TCF4: variants seen among roughly 807,000 people sequenced by gnomAD.
The protein encoded by TCF4 is SL3-3 enhancer factor 2.
TCF4 carries 3 observed loss-of-function variants against 82.1 expected under a neutral mutation model. The observed-to-expected ratio is 0.04, with a 90% confidence interval of 0.02 to 0.09. The LOEUF (loss-of-function observed/expected upper bound fraction) is 0.09. TCF4 is among the 10% of genes least tolerant of loss of function. TCF4 has a pLI of 1.00. For synonymous variants in TCF4, 276 were observed against 309.6 expected, an observed-to-expected ratio of 0.89 and a Z score of 1.14; for missense variants, 518 against 852.7, an observed-to-expected ratio of 0.61 and a Z score of 4.89.
intron 2 of TCF4, among the ~76,000 whole-genome samples, chr18:55,602,128 C>A (rs955602875): frequency 4.6e-5 from 7 of 152,158 alleles, no homozygotes; most frequent in Non-Finnish European, 8.8e-5. Context: ...GTGGCAGGCA[C>A]ATTTTAAGAT....
At chr18:55,351,826 G>T in intron 6 of TCF4, 2 of 918,244 alleles carry the variant, frequency 2.2e-6, no homozygotes, top group Non-Finnish European at 2.6e-6. Flanking sequence ...ATTATACTCT[G>T]CATTGAACAC....
At chr18:55,417,078 G>A (rs1009471651) in intron 5 of TCF4, among the ~76,000 whole-genome samples, 1 of 152,202 alleles carries the variant, frequency 6.6e-6, no homozygotes, top group Non-Finnish European at 1.5e-5. Flanking sequence ...ACGGAAGAGG[G>A]GAACTCAGCA....
Position 55,255,508 on chromosome 18 carries a change from A to G in TCF4, c.1147-808T>C, listed in dbSNP as rs188194383. Reference sequence around the variant, plus strand: ...GCCATTAGGATTCTAGTTTTTCACAACTAGACAATGCGTATAGTTTTTAGT... The same window carrying G: ...GCCATTAGGATTCTAGTTTTTCACAGCTAGACAATGCGTATAGTTTTTAGT... On this transcript the variant is annotated intron_variant, in intron 14 of 19. Transcript: ENST00000354452. Among the ~76,000 whole-genome samples, 26 of 152,276 alleles carry G rather than the reference A, an allele frequency of 1.7e-4. 1 individual carries two copies. In the East Asian group the frequency reaches 4.8e-3, roughly 28 times the overall value.
intron 8 of TCF4, among the ~76,000 whole-genome samples, chr18:55,313,726 T>G (rs2073271236): frequency 6.6e-6 from 1 of 152,020 alleles, no homozygotes; most frequent in Non-Finnish European, 1.5e-5. Flanking sequence ...CGGGCTCAAG[T>G]GTCTGAGAAA....
chr18:55,420,971 T>TA (rs1264371963), intron 5 of TCF4, among the ~76,000 whole-genome samples: 2 of 147,264 alleles, frequency 1.4e-5, no homozygotes, highest in Non-Finnish European at 3.0e-5. Context: ...GAAAAGAAAA[T>TA]AAAAAAAGCT....
chr18:55,239,648 G>A (rs1209538241), intron 15 of TCF4, among the ~76,000 whole-genome samples: 1 of 152,118 alleles, frequency 6.6e-6, no homozygotes, highest in African/African-American at 2.4e-5. Context: ...TCAGGCCAAG[G>A]CCAAGATGTC....
intron 8 of TCF4, chr18:55,321,313 T>C (rs1229821003): frequency 7.3e-6 from 2 of 273,202 alleles, no homozygotes; most frequent in Admixed American, 9.4e-5. Context: ...ATATCTGCTT[T>C]TCCTTTCTAA....
chr18:55,496,099 C>T (rs2096632587), intron 3 of TCF4: 1 of 152,116 alleles, frequency 6.6e-6, no homozygotes, highest in Non-Finnish European at 1.5e-5. Flanking sequence ...AGAGATGTGG[C>T]AAATGAAAGT....
intron 5 of TCF4, among the ~76,000 whole-genome samples, chr18:55,436,309 C>T (rs2095328365): frequency 6.6e-6 from 1 of 152,262 alleles, no homozygotes; most frequent in East Asian, 1.9e-4. Flanking sequence ...AATTTAACTA[C>T]TTTATTCATT....
At chr18:55,598,346 C>T (rs1427569786) in intron 2 of TCF4, among the ~76,000 whole-genome samples, 1 of 152,198 alleles carries the variant, frequency 6.6e-6, no homozygotes, top group African/African-American at 2.4e-5. Context: ...ACTGTTAAAA[C>T]CCAGCAAATT....
At chr18:55,375,882 C>T (rs531830675) in intron 6 of TCF4, among the ~76,000 whole-genome samples, 3 of 152,094 alleles carry the variant, frequency 2.0e-5, no homozygotes, top group Admixed American at 1.3e-4. Context: ...GGGAAATTCT[C>T]CTAAGTAGAA....
chr18:55,295,817 C>A (rs933575455), intron 8 of TCF4, among the ~76,000 whole-genome samples: 2 of 152,180 alleles, frequency 1.3e-5, no homozygotes, highest in African/African-American at 2.4e-5. Flanking sequence ...ATAACCCTTG[C>A]ATTTTGCCAG....
At chr18:55,424,087 C>T (rs919089246) in intron 5 of TCF4, among the ~76,000 whole-genome samples, 1 of 152,078 alleles carries the variant, frequency 6.6e-6, no homozygotes, top group Non-Finnish European at 1.5e-5. Context: ...GCTGCGGCAC[C>T]CCAACTGTCT....
At chr18:55,326,977 A>C (rs1293316567) in intron 8 of TCF4, among the ~76,000 whole-genome samples, 1 of 152,182 alleles carries the variant, frequency 6.6e-6, no homozygotes, top group East Asian at 1.9e-4. Context: ...TCTAATTACT[A>C]ACAGGAGGAC....
At chr18:55,297,035 T>C (rs1274929513) in intron 8 of TCF4, among the ~76,000 whole-genome samples, 1 of 152,126 alleles carries the variant, frequency 6.6e-6, no homozygotes, top group East Asian at 1.9e-4. Context: ...CATATGTATT[T>C]CGAGAGAAGC....
intron 2 of TCF4, among the ~76,000 whole-genome samples, chr18:55,615,093 T>C (rs992912969): frequency 6.6e-6 from 1 of 152,170 alleles, no homozygotes; most frequent in Non-Finnish European, 1.5e-5. Flanking sequence ...TGATAATAAA[T>C]TAGAAATATT....
chr18:55,386,127 C>T (rs1234823634), intron 6 of TCF4, among the ~76,000 whole-genome samples: 1 of 152,178 alleles, frequency 6.6e-6, no homozygotes, highest in Non-Finnish European at 1.5e-5. Flanking sequence ...ACTCCCAGCG[C>T]CTCCCAGGTA....
At chr18:55,456,937 T>C (rs1568091549) in intron 5 of TCF4, among the ~76,000 whole-genome samples, 1 of 152,172 alleles carries the variant, frequency 6.6e-6, no homozygotes, top group Non-Finnish European at 1.5e-5. Flanking sequence ...TAATCATTAA[T>C]AATGATAGGC....
At chr18:55,430,807 T>C (rs1484196809) in intron 5 of TCF4, among the ~76,000 whole-genome samples, 2 of 152,160 alleles carry the variant, frequency 1.3e-5, no homozygotes, top group Non-Finnish European at 2.9e-5. Context: ...GGAAACTAAG[T>C]AGTTTTTTGG....
Sources: allele counts gnomAD v4.1 joint callset (sites outside exome capture counted in the v4.1 genomes callset), GRCh38; gene constraint gnomAD v4.1.1; transcripts MANE v1.5; gene names NCBI Gene and HGNC (gene_info 2026-07-23, HGNC 2026-07-21).